The following UBE2E2 variants were observed in gnomAD, a reference collection of about 807,000 sequenced individuals.
The protein encoded by UBE2E2 is ubiquitin conjugating enzyme E2 E2, also known as ubiquitin-conjugating enzyme E2 E2.
A neutral mutation model predicts 24.7 loss-of-function variants in UBE2E2; 6 were observed. The observed-to-expected ratio is 0.24, with a 90% CI of 0.13 to 0.48. The LOEUF (loss-of-function observed/expected upper bound fraction) is 0.48, where lower values mean the gene tolerates loss of function less well. Among genes scored for constraint, UBE2E2 ranks in the 20% least tolerant of loss-of-function variants. The pLI is 0.99. For synonymous variants in UBE2E2, 104 were observed against 83.6 expected, an observed-to-expected ratio of 1.24 and a Z score of -1.33; for missense variants, 169 against 245.0, an observed-to-expected ratio of 0.69 and a Z score of 2.07.
At chr3:23,424,484 T>C (rs966080644) in intron 3 of UBE2E2, among the ~76,000 whole-genome samples, 4 of 152,032 alleles carry the variant, frequency 2.6e-5, no homozygotes, top group African/African-American at 9.7e-5. Flanking sequence ...CTGAATTTGA[T>C]GGCTTTTTCT....
intron 3 of UBE2E2, among the ~76,000 whole-genome samples, chr3:23,338,840 A>C (rs774264514): frequency 2.0e-5 from 3 of 152,230 alleles, no homozygotes; most frequent in Non-Finnish European, 2.9e-5. Flanking sequence ...AATTCCAATT[A>C]GTAAATGAAG....
At chr3:23,396,861 A>G (rs142180142) in intron 3 of UBE2E2, among the ~76,000 whole-genome samples, 330 of 152,352 alleles carry the variant, frequency 2.2e-3, no homozygotes, top group Admixed American at 3.9e-3. Context: ...GTAGCCAAGC[A>G]TTATGCAGGA....
chr3:23,327,690 T>C (rs946690965), intron 3 of UBE2E2, among the ~76,000 whole-genome samples: 2 of 152,238 alleles, frequency 1.3e-5, no homozygotes, highest in Non-Finnish European at 2.9e-5. Context: ...ACTCGTTCTC[T>C]TTTTTCCTTT....
chr3:23,290,266 G>T (rs148591675), intron 3 of UBE2E2, among the ~76,000 whole-genome samples: 2 of 152,212 alleles, frequency 1.3e-5, no homozygotes, highest in African/African-American at 4.8e-5. Flanking sequence ...CACTTTATTA[G>T]TTTGTGGACC....
intron 5 of UBE2E2, among the ~76,000 whole-genome samples, chr3:23,577,445 G>A (rs973368529): frequency 3.3e-5 from 5 of 152,012 alleles, no homozygotes; most frequent in Non-Finnish European, 5.9e-5. Flanking sequence ...GCATAAGGCC[G>A]TAACTCTCTG....
chr3:23,469,487 A>G (rs1485037740), intron 3 of UBE2E2, among the ~76,000 whole-genome samples: 3 of 152,184 alleles, frequency 2.0e-5, no homozygotes, highest in African/African-American at 4.8e-5. Flanking sequence ...CTTTACCTTC[A>G]TAGTAATACC....
At chr3:23,452,821 A>G (rs778525) in intron 3 of UBE2E2, among the ~76,000 whole-genome samples, 35,907 of 151,670 alleles carry the variant, frequency 0.24, 4,479 homozygotes, top group African/African-American at 0.32. Flanking sequence ...CAAAATGCCT[A>G]TGATCTAACA....
intron 4 of UBE2E2, among the ~76,000 whole-genome samples, chr3:23,501,936 C>G (rs988986284): frequency 1.3e-5 from 2 of 152,038 alleles, no homozygotes; most frequent in African/African-American, 4.8e-5. Flanking sequence ...ACTTTGGTAC[C>G]TATAACCACA....
chr3:23,423,882 A>G (rs963750621), intron 3 of UBE2E2, among the ~76,000 whole-genome samples: 6 of 152,198 alleles, frequency 3.9e-5, no homozygotes, highest in Admixed American at 1.3e-4. Context: ...GCAGTGGAGT[A>G]CTGAAAACTG....
chr3:23,512,008 T>C (rs371057486), intron 4 of UBE2E2, among the ~76,000 whole-genome samples: 16 of 152,238 alleles, frequency 1.1e-4, no homozygotes, highest in African/African-American at 2.4e-4. Flanking sequence ...CTAAAACTTA[T>C]ATAAGTAATG....
chr3:23,214,076 T>C (rs1273665493), intron 2 of UBE2E2, among the ~76,000 whole-genome samples: 1 of 152,162 alleles, frequency 6.6e-6, no homozygotes, highest in Non-Finnish European at 1.5e-5. Context: ...ATCTTTTCTG[T>C]CAAGAGACAT....
rs186919038 is a variant in UBE2E2, at chr3:23,440,468, A to G, written c.228-59140A>G. 4.0e-3 allele frequency among the ~76,000 whole-genome samples: 603 copies of G among 152,284 alleles called. 5 individuals carry two copies. The highest frequency in any genetic ancestry group is 0.014 in the African/African-American group (578 of 41,564). On this transcript the variant is annotated intron_variant, in intron 3 of 5. Transcript: ENST00000396703. ...TAAAATACTGACCTGCATTATCTCCATGTTAACATTTACACTTCAAAATCT... is the reference window on the plus strand; with the variant it reads ...TAAAATACTGACCTGCATTATCTCCGTGTTAACATTTACACTTCAAAATCT...
At chr3:23,527,527 A>G (rs775582778) in intron 4 of UBE2E2, among the ~76,000 whole-genome samples, 12 of 152,128 alleles carry the variant, frequency 7.9e-5, no homozygotes, top group Non-Finnish European at 1.5e-4. Context: ...TAATGAGGTG[A>G]CTGGTGGCTG....
intron 5 of UBE2E2, among the ~76,000 whole-genome samples, chr3:23,564,553 T>C (rs950069562): frequency 1.3e-5 from 2 of 152,134 alleles, no homozygotes; most frequent in East Asian, 1.9e-4. Flanking sequence ...CATTTTAAAA[T>C]TGGGGCCTCA....
At chr3:23,492,365 T>G (rs1699517731) in intron 3 of UBE2E2, among the ~76,000 whole-genome samples, 1 of 152,184 alleles carries the variant, frequency 6.6e-6, no homozygotes, top group Non-Finnish European at 1.5e-5. Flanking sequence ...CATCTTCTTC[T>G]CACTACCCTA....
intron 3 of UBE2E2, among the ~76,000 whole-genome samples, chr3:23,346,729 T>C (rs963790533): frequency 6.6e-6 from 1 of 152,228 alleles, no homozygotes; most frequent in Non-Finnish European, 1.5e-5. Flanking sequence ...TTCTTTTCGG[T>C]ATGTTCCTTT....
Position 23,407,616 on chromosome 3 carries a change from C to A in UBE2E2, c.228-91992C>A, listed in dbSNP as rs1473407038. 2.1e-5 allele frequency among the ~76,000 whole-genome samples: 3 copies of A among 143,860 alleles called. No homozygotes were observed. Among genetic ancestry groups the A allele is most frequent in the Non-Finnish European group, 3.0e-5 (2 of 65,612 alleles). The allele number at this position is 143,860 out of a possible 152,430, so 94.4% of individuals were successfully genotyped here. A position where few individuals can be genotyped will look rare whatever the true frequency, so the allele number is the denominator to read the frequency against. ...TTGTATGTTTGTTTTGGGAGGAGTG[C>A]ATGTGTGTGTGTTTGTGTGTGCATG... On this transcript the variant is annotated intron_variant, in intron 3 of 5. Coordinates refer to ENST00000396703, the MANE Select transcript of UBE2E2 (RefSeq NM_152653.4). This position sits in a 1 kb window ranked among gnomAD's most constrained non-coding sequence, Gnocchi z 4.0.
At chr3:23,567,896 G>A (rs1275805637) in intron 5 of UBE2E2, among the ~76,000 whole-genome samples, 1 of 152,186 alleles carries the variant, frequency 6.6e-6, no homozygotes, top group African/African-American at 2.4e-5. Context: ...GGGGAAGTTG[G>A]CAGGCACAGA....
chr3:23,281,799 C>T (rs557040759), intron 3 of UBE2E2, among the ~76,000 whole-genome samples: 1 of 152,228 alleles, frequency 6.6e-6, no homozygotes, highest in Non-Finnish European at 1.5e-5. Context: ...TCTATTACAT[C>T]TCTTAGAAAT....
Sources: gnomAD v4.1 joint callset for allele counts (sites outside exome capture counted in the v4.1 genomes callset) on GRCh38, gnomAD v4.1.1 for gene constraint, Gnocchi (gnomAD v3.1) non-coding constraint, MANE v1.5 for transcripts, NCBI Gene and HGNC (gene_info 2026-07-23, HGNC 2026-07-21) for gene names.